ADCY2: variants seen among roughly 807,000 people sequenced by gnomAD.
ADCY2 encodes the protein adenylate cyclase 2.
Under a neutral mutation model 125.2 loss-of-function variants are expected in ADCY2, and 31 were observed. The ratio of observed to expected loss-of-function variants is 0.25; its 90% CI spans 0.19 to 0.33. The LOEUF (loss-of-function observed/expected upper bound fraction) is 0.33. Ranked by LOEUF, ADCY2 falls within the 10% of genes least tolerant of loss-of-function variation. ADCY2 has a pLI of 1.00. For synonymous variants in ADCY2, 512 were observed against 548.4 expected (o/e 0.93, Z 0.93); for missense variants, 904 against 1,418.2 (o/e 0.64, Z 5.82).
intron 3 of ADCY2, among the ~76,000 whole-genome samples, chr5:7,523,315 T>TA (rs5865718): frequency 0.3 from 40,287 of 135,566 alleles, 5,850 homozygotes; most frequent in East Asian, 0.5. Context: ...CCTGCATTGG[T>TA]AAAAAAAAAA....
intron 4 of ADCY2, among the ~76,000 whole-genome samples, chr5:7,634,537 G>A (rs1266627647): frequency 6.6e-6 from 1 of 152,118 alleles, no homozygotes; most frequent in Admixed American, 6.5e-5. Flanking sequence ...TGGACTATAT[G>A]ATGCACTCAG....
At chr5:7,558,447 CT>C (rs1321608641) in intron 3 of ADCY2, among the ~76,000 whole-genome samples, 1 of 152,136 alleles carries the variant, frequency 6.6e-6, no homozygotes, top group Non-Finnish European at 1.5e-5. Flanking sequence ...TGATGTTGAG[CT>C]TTTTATTATA....
intron 3 of ADCY2, among the ~76,000 whole-genome samples, chr5:7,615,279 G>C (rs1737715740): frequency 6.6e-6 from 1 of 152,174 alleles, no homozygotes; most frequent in African/African-American, 2.4e-5. Flanking sequence ...TGCCTCCTCA[G>C]ATCCATATGT....
intron 21 of ADCY2, among the ~76,000 whole-genome samples, chr5:7,803,250 A>G (rs746575111): frequency 1.3e-5 from 2 of 152,190 alleles, no homozygotes; most frequent in African/African-American, 2.4e-5. Context: ...AGTGAAATAA[A>G]CATTCCCCAG....
At position 7,647,943 on chromosome 5, in the gene ADCY2, G is replaced by A. The variant is rs539621470; in HGVS notation, c.720+21627G>A. ...ACCTTCTCCTTTTCTTCCTCCGTCCGATTAAAGGAGCCTGGGGAAAAGGCG... is the reference window on the plus strand; with the variant it reads ...ACCTTCTCCTTTTCTTCCTCCGTCCAATTAAAGGAGCCTGGGGAAAAGGCG... On this transcript the variant is annotated intron_variant, in intron 4 of 24. Coordinates refer to ENST00000338316, the MANE Select transcript of ADCY2 (RefSeq NM_020546.3). Among the ~76,000 whole-genome samples the A allele has an allele frequency of 5.3e-5, 8 of 152,244 alleles. No homozygotes were observed. In the East Asian group the frequency reaches 5.8e-4, roughly 11 times the overall value.
chr5:7,733,257 C>G (rs914565917), intron 14 of ADCY2, among the ~76,000 whole-genome samples: 1 of 152,162 alleles, frequency 6.6e-6, no homozygotes, highest in Non-Finnish European at 1.5e-5. Context: ...TATTTCTACT[C>G]AGATCTCTAG....
intron 2 of ADCY2, among the ~76,000 whole-genome samples, chr5:7,508,748 T>C: frequency 6.6e-6 from 1 of 152,168 alleles, no homozygotes; most frequent in East Asian, 1.9e-4. Context: ...TGATCAGGCA[T>C]TCCACCACAT....
chr5:7,499,258 G>A (rs142544068), intron 2 of ADCY2, among the ~76,000 whole-genome samples: 6,950 of 151,902 alleles, frequency 0.046, 182 homozygotes, highest in Middle Eastern at 0.078. Context: ...CACCCATCTC[G>A]GCCTCCCAAA....
At chr5:7,801,963 G>A (rs556036336) in intron 20 of ADCY2, 1 of 410,972 alleles carries the variant, frequency 2.4e-6, no homozygotes, top group South Asian at 5.7e-5. Context: ...ATTGTCTCAA[G>A]TCAATATGAC....
At chr5:7,725,842 C>A (rs1045811644) in intron 13 of ADCY2, among the ~76,000 whole-genome samples, 1 of 152,144 alleles carries the variant, frequency 6.6e-6, no homozygotes, top group African/African-American at 2.4e-5. Flanking sequence ...ACAAAATATA[C>A]CCCCCAAAAT....
In ADCY2 at chr5:7,396,247, G is replaced by A. The variant is rs971938625; in HGVS notation, c.-50G>A. ...TGGGACGCGGGCGGCCGCGGCGAGC[G>A]GCGCTGCCCGGGCCGGGCGCGCACG... On this transcript the variant is annotated 5_prime_UTR_variant, in exon 1 of 25. Transcript: ENST00000338316. This position sits in a 1 kb window ranked among gnomAD's most constrained non-coding sequence, Gnocchi z 5.7. 8 of 974,078 alleles carry A rather than the reference G, an allele frequency of 8.2e-6. No individual in the cohort carries two copies. In the Admixed American group the frequency reaches 3.1e-4, roughly 37 times the overall value. The allele number at this position is 974,078 out of a possible 1,614,324, so 60.3% of individuals were successfully genotyped here.
chr5:7,616,900 G>A (rs1426980667), intron 3 of ADCY2, among the ~76,000 whole-genome samples: 2 of 152,142 alleles, frequency 1.3e-5, no homozygotes, highest in African/African-American at 4.8e-5. Context: ...AAGAAGAGGA[G>A]ATTAGGACAC....
At chr5:7,675,937 G>A (rs562510516) in intron 4 of ADCY2, among the ~76,000 whole-genome samples, 3 of 152,270 alleles carry the variant, frequency 2.0e-5, no homozygotes, top group Non-Finnish European at 2.9e-5. Context: ...TAGTTTTCCC[G>A]ATAAAGAACA....
At chr5:7,420,183 G>A (rs759528685) in intron 2 of ADCY2, among the ~76,000 whole-genome samples, 4 of 152,060 alleles carry the variant, frequency 2.6e-5, no homozygotes, top group Non-Finnish European at 5.9e-5. Flanking sequence ...ACCATACAAC[G>A]CACAGGGCAA....
intron 2 of ADCY2, among the ~76,000 whole-genome samples, chr5:7,422,954 G>T (rs1216141369): frequency 6.6e-6 from 1 of 152,178 alleles, no homozygotes; most frequent in East Asian, 1.9e-4. Flanking sequence ...AGTAGCATAT[G>T]AATGAAAGTA....
chr5:7,507,093 C>T (rs1406786562), intron 2 of ADCY2, among the ~76,000 whole-genome samples: 12 of 151,170 alleles, frequency 7.9e-5, no homozygotes, highest in East Asian at 7.9e-4. Context: ...TCTTCACACG[C>T]GGGAGGGCTT....
chr5:7,827,808 C>T lies in ADCY2; in HGVS notation c.*937C>T, dbSNP rs1327999675. ...TAGAGAACGCTTTCAGGGAAAAATA[C>T]TTTAATAGTAAAAAGATTCTCTGCG... On this transcript the variant is annotated 3_prime_UTR_variant, in exon 25 of 25. Transcript: ENST00000338316. The T allele has an allele frequency of 6.6e-6, 1 of 152,352 alleles. No homozygotes were observed. Among genetic ancestry groups the T allele is most frequent in the Non-Finnish European group, 1.5e-5 (1 of 68,032 alleles). 9.4% of individuals were successfully genotyped at this position (152,352 alleles called of 1,614,324 possible).
chr5:7,805,684 C>T (rs1485151890), intron 22 of ADCY2, among the ~76,000 whole-genome samples: 1 of 152,130 alleles, frequency 6.6e-6, no homozygotes, highest in Non-Finnish European at 1.5e-5. Context: ...GCCCCTCTCC[C>T]ATAACCACCT....
At chr5:7,408,362 G>T (rs187046606) in intron 1 of ADCY2, among the ~76,000 whole-genome samples, 1 of 151,954 alleles carries the variant, frequency 6.6e-6, no homozygotes, top group African/African-American at 2.4e-5. Context: ...TTTACATTAG[G>T]TGGCTATTAT....
Sources: gnomAD v4.1 joint callset for allele counts (sites outside exome capture counted in the v4.1 genomes callset) on GRCh38, gnomAD v4.1.1 for gene constraint, Gnocchi (gnomAD v3.1) non-coding constraint, MANE v1.5 for transcripts, NCBI Gene and HGNC (gene_info 2026-07-23, HGNC 2026-07-21) for gene names.